Variants in CARNS1 observed in about 807,000 individuals in gnomAD.
CARNS1 encodes the protein carnosine synthase 1.
In CARNS1, 61 loss-of-function variants were observed where a neutral mutation model predicts 74.0. The observed-to-expected ratio is 0.82, with a 90% CI of 0.67 to 1.02. CARNS1 has a LOEUF of 1.02. CARNS1 is among the 50% of genes least tolerant of loss of function. CARNS1 has a pLI of 0.00. For synonymous variants in CARNS1, 568 were observed against 605.5 expected, an observed-to-expected ratio of 0.94 and a Z score of 0.91; for missense variants, 1,278 against 1,308.4, an observed-to-expected ratio of 0.98 and a Z score of 0.36.
chr11:67,421,774 C>T (rs2135094543), intron 9 of CARNS1, among the ~76,000 whole-genome samples: 1 of 152,298 alleles, frequency 6.6e-6, no homozygotes, highest in East Asian at 1.9e-4. Flanking sequence ...GTTGACCAGA[C>T]TGGAGTGCGG....
rs1425017009 is a variant in CARNS1 at position 67,424,237 on chromosome 11, A to G, written c.2489A>G (p.Tyr830Cys). ...CTGCGTGATTGGATCCTGGAGCTCTATGGTGTTGACCTGCTGCTGGCTGCT... is the reference window on the plus strand; with the variant it reads ...CTGCGTGATTGGATCCTGGAGCTCTGTGGTGTTGACCTGCTGCTGGCTGCT... ...FYLRDWILEL[Y>C]GVDLLLAAVM... is the part of the protein sequence containing the mutation. The change falls in exon 10 of 10, where the codon TAT becomes TGT. Residue 830 changes from tyrosine (Y) to cysteine (C), a missense_variant. Around this residue, in one of 3 missense-constraint regions of CARNS1, gnomAD observed 1,164 missense variants for 1,156.5 expected, o/e 1.01. Coordinates refer to ENST00000687366, the MANE Select transcript of CARNS1 (RefSeq NM_001166222.2). 6.2e-7 allele frequency: 1 copy of G among 1,613,486 alleles called. No homozygotes were observed.
At chr11:67,417,809 A>C (rs1186234360) in intron 3 of CARNS1, 132 bp downstream of exon 3, 2 of 621,688 alleles carry the variant, frequency 3.2e-6, no homozygotes, top group Non-Finnish European at 4.6e-6. Flanking sequence ...CAGGGAAGGC[A>C]CAGCCAGTTG....
In CARNS1 at chr11:67,421,037, G is replaced by T; in HGVS notation, c.1444G>T (p.Gly482Trp). ...LCLEACGALE[G>W]LWAAPRLGPA... Reference sequence around the variant, plus strand: ...TCTGGAGGCGTGCGGCGCGCTGGAGGGGCTGTGGGCCGCGCCGCGGCTGGG... The same window carrying T: ...TCTGGAGGCGTGCGGCGCGCTGGAGTGGCTGTGGGCCGCGCCGCGGCTGGG... The change falls in exon 9 of 10, where the codon GGG becomes TGG. Residue 482 changes from glycine (G) to tryptophan (W), a missense_variant. By Grantham distance (184) the Gly-to-Trp change is radical. This residue lies in a region of CARNS1 where 1,164 missense variants were observed against 1,156.5 expected (regional missense o/e 1.01). Coordinates refer to ENST00000687366, the MANE Select transcript of CARNS1 (RefSeq NM_001166222.2). The T allele has an allele frequency of 1.5e-6, 2 of 1,342,720 alleles. No individual in the cohort carries two copies. The highest frequency in any genetic ancestry group is 1.9e-6 in the Non-Finnish European group (2 of 1,057,150). 83.2% of individuals were successfully genotyped at this position (1,342,720 alleles called of 1,614,324 possible). A position where few individuals can be genotyped will look rare whatever the true frequency, so the allele number is the denominator to read the frequency against.
chr11:67,417,469 A>G lies in CARNS1; in HGVS notation c.66A>G (p.Glu22=). Residue 22 remains glutamate (E), a synonymous_variant, in exon 3 of 10, where the codon GAA becomes GAG. Coordinates refer to ENST00000687366, the MANE Select transcript of CARNS1 (RefSeq NM_001166222.2). ...DCPLGSKDLE[E]EGPWGGGSGL... ...CACTGGGCTCCAAGGACCTGGAGGA[A>G]GAGGGCCCCTGGGGAGGGGGCTCTG... 6.9e-7 allele frequency: 1 copy of G among 1,451,438 alleles called. No homozygotes were observed. Among genetic ancestry groups the G allele is most frequent in the Non-Finnish European group, 9.1e-7 (1 of 1,104,910 alleles). The allele number at this position is 1,451,438 out of a possible 1,614,324, so 89.9% of individuals were successfully genotyped here.
chr11:67,420,858 G>C lies in CARNS1; in HGVS notation c.1345+18G>C. 7.9e-7 allele frequency: 1 copy of C among 1,266,406 alleles called. No homozygotes were observed. Among genetic ancestry groups the C allele is most frequent in the South Asian group, 2.5e-5 (1 of 39,642 alleles). 78.4% of individuals were successfully genotyped at this position (1,266,406 alleles called of 1,614,324 possible). A position where few individuals can be genotyped will look rare whatever the true frequency, so the allele number is the denominator to read the frequency against. On this transcript the variant is annotated intron_variant, in intron 8 of 9. Transcript: ENST00000687366. ...CTTCCTGGGTGAGTGAGGGCGGCCG[G>C]GGCCGGGGCCGGGAGCCGAGGGCCA...
intron 6 of CARNS1, 27 bp from the exon 7 acceptor site, chr11:67,419,726 G>T: frequency 6.3e-7 from 1 of 1,595,322 alleles, no homozygotes; most frequent in African/African-American, 1.3e-5. Context: ...CTCTGTGCTG[G>T]CCTTAGACCT....
rs753511921 is a variant in CARNS1 at position 67,423,870 on chromosome 11, G to A, written c.2122G>A (p.Glu708Lys). 12 of 1,613,150 alleles carry A rather than the reference G, an allele frequency of 7.4e-6. No individual in the cohort carries two copies. The highest frequency in any genetic ancestry group is 2.2e-5 in the South Asian group (2 of 91,094). The change falls in exon 10 of 10, where the codon GAG (glutamate) becomes AAG (lysine). Residue 708 changes from glutamate (E) to lysine (K), a missense_variant. Physicochemically the swap from Glu to Lys is moderately conservative, Grantham distance 56 (BLOSUM62 1). Coordinates refer to ENST00000687366, the MANE Select transcript of CARNS1 (RefSeq NM_001166222.2). This position sits in a 1 kb window ranked among gnomAD's most constrained non-coding sequence, Gnocchi z 5.1. ...CCGGATTACCCGAGACTTGCAGGGCGAGGCCGACCACCCAGGCATTGGGCT... is the reference window on the plus strand; with the variant it reads ...CCGGATTACCCGAGACTTGCAGGGCAAGGCCGACCACCCAGGCATTGGGCT... ...FSRITRDLQG[E>K]ADHPGIGLGW...
Position 67,425,366 on chromosome 11 carries a change from G to A in CARNS1, c.*765G>A, listed in dbSNP as rs11227791. 8,184 of 300,546 alleles carry A rather than the reference G, an allele frequency of 0.027. 381 individuals are homozygous for A. Among genetic ancestry groups the A allele is most frequent in the African/African-American group, 0.12 (5,386 of 46,190 alleles). 18.6% of individuals were successfully genotyped at this position (300,546 alleles called of 1,614,324 possible). A position where few individuals can be genotyped will look rare whatever the true frequency, so the allele number is the denominator to read the frequency against. On this transcript the variant is annotated 3_prime_UTR_variant, in exon 10 of 10. Coordinates refer to ENST00000687366, the MANE Select transcript of CARNS1 (RefSeq NM_001166222.2). ...GCTTCTAGGCCCCCCTCACCTCCCT[G>A]CCCTCATTCACAAGTGGCCCTGAGA...
chr11:67,418,149 C>T (rs1201470245), intron 3 of CARNS1, among the ~76,000 whole-genome samples: 1 of 152,210 alleles, frequency 6.6e-6, no homozygotes, highest in Non-Finnish European at 1.5e-5. Context: ...TGGAGGAACA[C>T]TGACTCCTCC....
Sources: allele counts gnomAD v4.1 joint callset (sites outside exome capture counted in the v4.1 genomes callset), GRCh38; gene constraint gnomAD v4.1.1; regional missense constraint gnomAD v4.1.1; non-coding constraint Gnocchi (gnomAD v3.1); transcripts MANE v1.5; gene names NCBI Gene and HGNC (gene_info 2026-07-23, HGNC 2026-07-21).